The following ME3 variants were observed in gnomAD, a reference collection of about 807,000 sequenced individuals.
ME3 encodes the protein NADP-dependent malic enzyme, mitochondrial.
Under a neutral mutation model 68.9 loss-of-function variants are expected in ME3, and 48 were observed. The ratio of observed to expected loss-of-function variants is 0.70; its 90% confidence interval spans 0.55 to 0.89. The LOEUF (loss-of-function observed/expected upper bound fraction) is 0.89, where lower values mean the gene tolerates loss of function less well. Ranked by LOEUF, ME3 falls within the 40% of genes least tolerant of loss-of-function variation. The pLI is 0.00. For synonymous variants in ME3, 320 were observed against 318.8 expected (o/e 1.00, Z -0.04); for missense variants, 675 against 797.4 (o/e 0.85, Z 1.85).
At chr11:86,655,154 T>C (rs1167810277) in intron 2 of ME3, among the ~76,000 whole-genome samples, 2 of 152,128 alleles carry the variant, frequency 1.3e-5, no homozygotes, top group African/African-American at 4.8e-5. Context: ...ATCAATATCG[T>C]GAAAATGGCC....
At chr11:86,441,184 G>C (rs1486535275) in exon 15 of ME3, 1 of 1,225,860 alleles carries the variant, frequency 8.2e-7, no homozygotes, top group Middle Eastern at 2.5e-4. Flanking sequence ...AAAAAACACA[G>C]CGACAAGGAT....
chr11:86,561,083 A>T (rs1006861116), intron 2 of ME3, among the ~76,000 whole-genome samples: 1 of 152,072 alleles, frequency 6.6e-6, no homozygotes, highest in African/African-American at 2.4e-5. Flanking sequence ...TCAGTGGCCA[A>T]AAGTCATGCT....
intron 8 of ME3, among the ~76,000 whole-genome samples, chr11:86,457,915 CAAAGTT>C (rs1208105362): frequency 1.3e-5 from 2 of 152,092 alleles, no homozygotes; most frequent in Admixed American, 6.6e-5. Context: ...TCAGATTTGA[CAAAGTT>C]AAAGGAGTTG....
intron 7 of ME3, among the ~76,000 whole-genome samples, chr11:86,474,023 G>A (rs1950923428): frequency 6.6e-6 from 1 of 152,196 alleles, no homozygotes; most frequent in African/African-American, 2.4e-5. Flanking sequence ...GAGACTGCTG[G>A]TCACTGGAGG....
At chr11:86,523,005 T>C (rs1954440033) in intron 4 of ME3, among the ~76,000 whole-genome samples, 1 of 152,176 alleles carries the variant, frequency 6.6e-6, no homozygotes, top group South Asian at 2.1e-4. Context: ...ACCCACAGTC[T>C]TTTGCCCTTC....
intron 7 of ME3, among the ~76,000 whole-genome samples, chr11:86,475,866 T>G (rs201614622): frequency 5.3e-3 from 589 of 111,920 alleles, no homozygotes; most frequent in African/African-American, 0.014. Flanking sequence ...TATATATATA[T>G]ATATATATAG....
chr11:86,549,424 A>G (rs1956550579), intron 4 of ME3, among the ~76,000 whole-genome samples: 1 of 152,144 alleles, frequency 6.6e-6, no homozygotes, highest in Non-Finnish European at 1.5e-5. Context: ...TTGGCCTACC[A>G]CAACCTGACT....
chr11:86,502,321 A>G (rs1952779452), intron 5 of ME3, among the ~76,000 whole-genome samples: 1 of 152,096 alleles, frequency 6.6e-6, no homozygotes, highest in African/African-American at 2.4e-5. Context: ...TACTAAACCT[A>G]TCACTCCCTT....
downstream of ME3, among the ~76,000 whole-genome samples, chr11:86,439,719 T>C (rs1948922528): frequency 6.6e-6 from 1 of 152,240 alleles, no homozygotes; most frequent in African/African-American, 2.4e-5. Flanking sequence ...CTAAAGTTTG[T>C]TAATTTATTT....
chr11:86,538,343 A>C (rs1320287818), intron 4 of ME3, among the ~76,000 whole-genome samples: 1 of 152,152 alleles, frequency 6.6e-6, no homozygotes, highest in African/African-American at 2.4e-5. Flanking sequence ...CGCTTGTCTA[A>C]GGACAATAAT....
intron 8 of ME3, among the ~76,000 whole-genome samples, chr11:86,457,082 C>T (rs1030968647): frequency 2.6e-5 from 4 of 152,202 alleles, no homozygotes; most frequent in Non-Finnish European, 5.9e-5. Flanking sequence ...TAAAGCACCA[C>T]TTGTCTAATG....
chr11:86,472,249 A>G (rs966895413), intron 7 of ME3, among the ~76,000 whole-genome samples: 1 of 152,178 alleles, frequency 6.6e-6, no homozygotes, highest in East Asian at 1.9e-4. Flanking sequence ...ATGGGGAGAA[A>G]TGAGCCTTGG....
chr11:86,622,228 A>G (rs1426380015), intron 2 of ME3, among the ~76,000 whole-genome samples: 2 of 152,048 alleles, frequency 1.3e-5, no homozygotes, highest in African/African-American at 2.4e-5. Context: ...TTGTCTGCCA[A>G]TAGTCACATG....
At chr11:86,602,841 C>T (rs989556284) in intron 2 of ME3, among the ~76,000 whole-genome samples, 2 of 152,108 alleles carry the variant, frequency 1.3e-5, no homozygotes, top group African/African-American at 4.8e-5. Flanking sequence ...GAAAAACAAG[C>T]AATGGGGAAA....
At position 86,465,015 on chromosome 11, in the gene ME3, A is replaced by T. The variant is rs1415663131; in HGVS notation, c.919+76T>A. 5 of 1,215,328 alleles carry T rather than the reference A, an allele frequency of 4.1e-6. 1 individual carries two copies. In the South Asian group the frequency reaches 6.1e-5, roughly 15 times the overall value. The allele number at this position is 1,215,328 out of a possible 1,614,324, so 75.3% of individuals were successfully genotyped here. On this transcript the variant is annotated intron_variant, in intron 8 of 14. Transcript: ENST00000543262. ...AACTATGGGGTGACAGCCTTTCCTCACCCCTTTGGCATCCCAGTGAGGTTG... is the reference window on the plus strand; with the variant it reads ...AACTATGGGGTGACAGCCTTTCCTCTCCCCTTTGGCATCCCAGTGAGGTTG...
intron 5 of ME3, among the ~76,000 whole-genome samples, chr11:86,508,016 C>T (rs777670014): frequency 1.3e-5 from 2 of 151,692 alleles, no homozygotes; most frequent in Non-Finnish European, 2.9e-5. Flanking sequence ...CATTCTATAA[C>T]GTATATTGTT....
At chr11:86,600,372 T>G (rs1960401324) in intron 2 of ME3, among the ~76,000 whole-genome samples, 1 of 152,062 alleles carries the variant, frequency 6.6e-6, no homozygotes, top group Non-Finnish European at 1.5e-5. Context: ...TACATAATGG[T>G]GAAGGGATCA....
chr11:86,617,568 A>C (rs1001246812), intron 2 of ME3, among the ~76,000 whole-genome samples: 3 of 152,230 alleles, frequency 2.0e-5, no homozygotes, highest in Non-Finnish European at 2.9e-5. Context: ...CTGATTGCCC[A>C]AAATAACCAA....
chr11:86,442,946 A>G (rs148753280), intron 13 of ME3, 27 bp from the exon 14 acceptor site: 2 of 1,573,854 alleles, frequency 1.3e-6, no homozygotes, highest in Non-Finnish European at 1.7e-6. Flanking sequence ...AACCGAGAGG[A>G]ATAAGCTGAG....
Sources: gnomAD v4.1 joint callset for allele counts (sites outside exome capture counted in the v4.1 genomes callset) on GRCh38, gnomAD v4.1.1 for gene constraint, MANE v1.5 for transcripts, NCBI Gene and HGNC (gene_info 2026-07-23, HGNC 2026-07-21) for gene names.